PHLPP1: variants seen among roughly 807,000 people sequenced by gnomAD.
The protein encoded by PHLPP1 is PH domain and leucine rich repeat protein phosphatase 1, also known as PH domain leucine-rich repeat-containing protein phosphatase 1.
In PHLPP1, 42 loss-of-function variants were observed where a neutral mutation model predicts 117.2. That is an observed-to-expected ratio of 0.36 (90% CI 0.28 to 0.46). The LOEUF is 0.46. Among genes scored for constraint, PHLPP1 ranks in the 20% least tolerant of loss-of-function variants. The pLI is 1.00. For synonymous variants in PHLPP1, 1,042 were observed against 970.7 expected, an observed-to-expected ratio of 1.07 and a Z score of -1.37; for missense variants, 2,084 against 2,241.9, an observed-to-expected ratio of 0.93 and a Z score of 1.42.
chr18:62,900,183 A>G (rs1448404951), intron 6 of PHLPP1, among the ~76,000 whole-genome samples: 2 of 151,854 alleles, frequency 1.3e-5, no homozygotes, highest in African/African-American at 2.4e-5. Flanking sequence ...TGTAGTCCCA[A>G]CTACTCGGTA....
At chr18:62,788,114 C>G (rs1179609954) in intron 1 of PHLPP1, among the ~76,000 whole-genome samples, 2 of 152,156 alleles carry the variant, frequency 1.3e-5, no homozygotes, top group Non-Finnish European at 1.5e-5. Flanking sequence ...CATTTTCTAT[C>G]TGTTTGAAGC....
In PHLPP1 at chr18:62,975,527, T is replaced by G. The variant is rs765217287; in HGVS notation, c.3886T>G (p.Cys1296Gly). The G allele has an allele frequency of 1.9e-6, 3 of 1,613,860 alleles. No individual in the cohort carries two copies. The Admixed American group carries it at 5.0e-5, about 27-fold the overall frequency. ...TGTGGGCAAGTGCCAAACAGTTCTCTGTCGAAATGGAAAGCCGCTGCCTCT... is the reference window on the plus strand; with the variant it reads ...TGTGGGCAAGTGCCAAACAGTTCTCGGTCGAAATGGAAAGCCGCTGCCTCT... ...ANVGKCQTVLCRNGKPLPLSR... is the reference protein window; with the variant it reads ...ANVGKCQTVLGRNGKPLPLSR... The change falls in exon 16 of 17, where the codon TGT (cysteine) becomes GGT (glycine). Residue 1296 changes from cysteine (C) to glycine (G), a missense_variant. Cys to Gly is a radical substitution (Grantham distance 159). This residue lies in a region of PHLPP1 where 1,365 missense variants were observed against 1,605.9 expected (regional missense o/e 0.85). Transcript: ENST00000262719.
At chr18:62,944,789 GT>G (rs1910229592) in intron 11 of PHLPP1, among the ~76,000 whole-genome samples, 1 of 152,128 alleles carries the variant, frequency 6.6e-6, no homozygotes, top group South Asian at 2.1e-4. Context: ...TTTAAATAGT[GT>G]TTTCATTAGT....
intron 4 of PHLPP1, among the ~76,000 whole-genome samples, chr18:62,878,988 A>G (rs1381487979): frequency 1.3e-5 from 2 of 152,168 alleles, no homozygotes; most frequent in East Asian, 3.9e-4. Context: ...AATTTGGTCT[A>G]CTTAATGTTT....
intron 15 of PHLPP1, 116 bp from the exon 16 acceptor site, chr18:62,975,281 G>A: frequency 1.4e-6 from 1 of 695,696 alleles, no homozygotes; most frequent in Admixed American, 2.3e-5. Flanking sequence ...AGGCGGAGTG[G>A]AATCCCCAGC....
At chr18:62,880,507 T>G (rs932014562) in intron 4 of PHLPP1, among the ~76,000 whole-genome samples, 1 of 152,132 alleles carries the variant, frequency 6.6e-6, no homozygotes, top group African/African-American at 2.4e-5. Flanking sequence ...TTAAGGAATT[T>G]TTTTGTTTTG....
At chr18:62,781,771 CAT>C (rs1284240315) in intron 1 of PHLPP1, among the ~76,000 whole-genome samples, 1 of 152,160 alleles carries the variant, frequency 6.6e-6, no homozygotes, top group Non-Finnish European at 1.5e-5. Context: ...TCATTAGAAA[CAT>C]AGCCTCATGA....
intron 1 of PHLPP1, among the ~76,000 whole-genome samples, chr18:62,718,945 C>G (rs565530420): frequency 6.6e-6 from 1 of 152,232 alleles, no homozygotes; most frequent in East Asian, 1.9e-4. Context: ...TCAAGAGTGT[C>G]TAAAATATTC....
intron 1 of PHLPP1, among the ~76,000 whole-genome samples, chr18:62,769,020 A>G (rs1309659727): frequency 6.6e-6 from 1 of 152,232 alleles, no homozygotes; most frequent in Non-Finnish European, 1.5e-5. Flanking sequence ...TAAACTATTG[A>G]AAGTTTAATA....
intron 2 of PHLPP1, among the ~76,000 whole-genome samples, chr18:62,833,531 C>A (rs1914808652): frequency 6.6e-6 from 1 of 152,074 alleles, no homozygotes; most frequent in Non-Finnish European, 1.5e-5. Context: ...CTCCCCTAGC[C>A]CTAGAAGGAT....
intron 1 of PHLPP1, among the ~76,000 whole-genome samples, chr18:62,771,128 C>T (rs1033544560): frequency 2.0e-5 from 3 of 151,032 alleles, no homozygotes; most frequent in African/African-American, 7.3e-5. Flanking sequence ...GCAGGAAAAT[C>T]GCTTGAACCC....
chr18:62,814,951 A>G (rs939725553), intron 1 of PHLPP1, among the ~76,000 whole-genome samples: 5 of 152,198 alleles, frequency 3.3e-5, no homozygotes, highest in Non-Finnish European at 7.3e-5. Flanking sequence ...AACACCAAAC[A>G]TTTATTTCTG....
intron 4 of PHLPP1, among the ~76,000 whole-genome samples, chr18:62,862,750 C>T (rs1056509195): frequency 6.6e-6 from 1 of 151,992 alleles, no homozygotes; most frequent in African/African-American, 2.4e-5. Flanking sequence ...ATTTTATCAC[C>T]CAGAAAATTA....
At chr18:62,846,541 AGT>A (rs942822564) in intron 3 of PHLPP1, among the ~76,000 whole-genome samples, 28 of 151,862 alleles carry the variant, frequency 1.8e-4, no homozygotes, top group African/African-American at 6.8e-4. Context: ...ATGTCTGAGA[AGT>A]GTGAAAAAAA....
Position 62,882,515 on chromosome 18 carries a change from T to C in PHLPP1, c.2067-12496T>C, listed in dbSNP as rs1916195007. Among the ~76,000 whole-genome samples the C allele has an allele frequency of 2.6e-5, 4 of 152,250 alleles. No homozygotes were observed. The South Asian group carries it at 8.3e-4, about 32-fold the overall frequency. Reference sequence around the variant, plus strand: ...ACCTCGTGATCTGCCTGCCTCGGCCTCCCAAAGTGCTGGGATTACAGGCAT... The same window carrying C: ...ACCTCGTGATCTGCCTGCCTCGGCCCCCCAAAGTGCTGGGATTACAGGCAT... On this transcript the variant is annotated intron_variant, in intron 4 of 16. Coordinates refer to ENST00000262719, the MANE Select transcript of PHLPP1 (RefSeq NM_194449.4).
intron 4 of PHLPP1, among the ~76,000 whole-genome samples, chr18:62,866,420 G>C (rs1568143193): frequency 6.6e-6 from 1 of 151,750 alleles, no homozygotes; most frequent in African/African-American, 2.4e-5. Flanking sequence ...AATTTTTGTA[G>C]TTTTAGTAGA....
At chr18:62,875,619 T>G (rs371916862) in intron 4 of PHLPP1, among the ~76,000 whole-genome samples, 4 of 152,222 alleles carry the variant, frequency 2.6e-5, no homozygotes, top group Admixed American at 6.5e-5. Context: ...GAACGCACTC[T>G]TGAGTGAATG....
chr18:62,720,175 T>C (rs1910873492), intron 1 of PHLPP1, among the ~76,000 whole-genome samples: 1 of 152,184 alleles, frequency 6.6e-6, no homozygotes, highest in Non-Finnish European at 1.5e-5. Flanking sequence ...TAATTATAGG[T>C]TAAAAAATTC....
At position 62,849,830 on chromosome 18, in the gene PHLPP1, A is replaced by ATATATATATATATATAT. The variant is rs1465429883; in HGVS notation, c.1900-10605_1900-10604insTATATATATATATATAT. Among the ~76,000 whole-genome samples, 10 of 21,208 alleles carry ATATATATATATATATAT rather than the reference A, an allele frequency of 4.7e-4. 1 individual carries two copies. Among genetic ancestry groups the ATATATATATATATATAT allele is most frequent in the Admixed American group, 8.7e-4 (2 of 2,302 alleles). The allele number at this position is 21,208 out of a possible 152,430, so 13.9% of individuals were successfully genotyped here. Reference sequence around the variant, plus strand: ...AAAAAAAAAAAAAAAAAAAAAAAAAAAAATATATATATCCTTTAAAGTTTA... The same window carrying ATATATATATATATATAT: ...AAAAAAAAAAAAAAAAAAAAAAAAAATATATATATATATATATAAATATATATATCCTTTAAAGTTTA... On this transcript the variant is annotated intron_variant, in intron 3 of 16. Transcript: ENST00000262719.
Sources: gnomAD v4.1 joint callset for allele counts (sites outside exome capture counted in the v4.1 genomes callset) on GRCh38, gnomAD v4.1.1 for gene constraint, gnomAD v4.1.1 regional missense constraint, MANE v1.5 for transcripts, NCBI Gene and HGNC (gene_info 2026-07-23, HGNC 2026-07-21) for gene names.